DSCAML1: variants seen among roughly 807,000 people sequenced by gnomAD.
DSCAML1 encodes the protein DS cell adhesion molecule like 1.
Under a neutral mutation model 200.5 loss-of-function variants are expected in DSCAML1, and 38 were observed. The ratio of observed to expected loss-of-function variants is 0.19; its 90% CI spans 0.15 to 0.25. The LOEUF (loss-of-function observed/expected upper bound fraction) is 0.25. DSCAML1 is among the 10% of genes least tolerant of loss of function. DSCAML1 has a pLI of 1.00. For synonymous variants in DSCAML1, 1,215 were observed against 1,165.0 expected (o/e 1.04, Z -0.87); for missense variants, 2,223 against 2,858.8 (o/e 0.78, Z 5.07).
intron 3 of DSCAML1, among the ~76,000 whole-genome samples, chr11:117,667,763 C>T (rs2053008957): frequency 6.6e-6 from 1 of 152,200 alleles, no homozygotes; most frequent in African/African-American, 2.4e-5. Flanking sequence ...TGGTTGGAGG[C>T]TTGGCAGCAT....
At chr11:117,606,022 CT>C (rs1203446740) in intron 3 of DSCAML1, among the ~76,000 whole-genome samples, 1 of 152,128 alleles carries the variant, frequency 6.6e-6, no homozygotes, top group African/African-American at 2.4e-5. Flanking sequence ...TACTCTCAGG[CT>C]TCCATTCTGT....
chr11:117,428,044 T>G lies in DSCAML1; in HGVS notation c.*284A>C. 1 of 281,374 alleles carries G rather than the reference T, an allele frequency of 3.6e-6. No homozygotes were observed. Among genetic ancestry groups the G allele is most frequent in the Non-Finnish European group, 6.5e-6 (1 of 152,844 alleles). The allele number at this position is 281,374 out of a possible 1,614,324, so 17.4% of individuals were successfully genotyped here. ...GATATATAGCTCGTGGACGCGTTCCTGTCTGTCTATATATGTATATATATC... is the reference window on the plus strand; with the variant it reads ...GATATATAGCTCGTGGACGCGTTCCGGTCTGTCTATATATGTATATATATC... On this transcript the variant is annotated 3_prime_UTR_variant, in exon 33 of 33. Coordinates refer to ENST00000651296, the MANE Select transcript of DSCAML1 (RefSeq NM_020693.4).
chr11:117,524,392 G>A (rs1192457299), intron 5 of DSCAML1, among the ~76,000 whole-genome samples: 1 of 152,216 alleles, frequency 6.6e-6, no homozygotes, highest in African/African-American at 2.4e-5. Context: ...TGGATTGACA[G>A]CTGCCTTGCT....
chr11:117,436,931 C>T (rs1409430862), intron 26 of DSCAML1, among the ~76,000 whole-genome samples, 191 bp downstream of exon 26: 6 of 152,166 alleles, frequency 3.9e-5, no homozygotes, highest in Non-Finnish European at 8.8e-5. Flanking sequence ...TGCATCTGCC[C>T]GCTTACCTGG....
At chr11:117,766,770 G>T (rs977743317) in intron 3 of DSCAML1, among the ~76,000 whole-genome samples, 1 of 152,166 alleles carries the variant, frequency 6.6e-6, no homozygotes, top group African/African-American at 2.4e-5. Flanking sequence ...TGCACACGCC[G>T]CCAGAGGCAC....
Position 117,718,238 on chromosome 11 carries a change from C to G in DSCAML1, c.511+58553G>C, listed in dbSNP as rs1229641394. On this transcript the variant is annotated intron_variant, in intron 3 of 32. Coordinates refer to ENST00000651296, the MANE Select transcript of DSCAML1 (RefSeq NM_020693.4). ...ACGCACCCCGCCATCCCCCACCCCC[C>G]TTCCCGAGGCTGACACAGCCTGAGG... Among the ~76,000 whole-genome samples the G allele has an allele frequency of 3.3e-5, 5 of 152,348 alleles. No individual in the cohort carries two copies. The East Asian group carries it at 9.7e-4, about 29-fold the overall frequency.
intron 11 of DSCAML1, among the ~76,000 whole-genome samples, chr11:117,488,988 CT>C (rs1358057382): frequency 6.6e-6 from 1 of 152,262 alleles, no homozygotes; most frequent in East Asian, 1.9e-4. Context: ...ATGCCTCTGC[CT>C]TTTGGCCTGT....
chr11:117,592,476 C>G (rs964487326), intron 3 of DSCAML1, among the ~76,000 whole-genome samples: 1 of 152,050 alleles, frequency 6.6e-6, no homozygotes, highest in Non-Finnish European at 1.5e-5. Flanking sequence ...TGTTTCTTTT[C>G]TTTCTTTGGT....
chr11:117,442,123 G>A (rs937319003), intron 21 of DSCAML1, among the ~76,000 whole-genome samples: 7 of 124,384 alleles, frequency 5.6e-5, no homozygotes, highest in Non-Finnish European at 9.7e-5. Flanking sequence ...ATATGTGAGT[G>A]TGCACGTGTA....
chr11:117,575,991 G>A (rs2050927670), intron 3 of DSCAML1, among the ~76,000 whole-genome samples: 1 of 152,180 alleles, frequency 6.6e-6, no homozygotes, highest in Non-Finnish European at 1.5e-5. Context: ...CTGGATGCTT[G>A]TCTGGGCTCT....
chr11:117,735,115 G>C (rs1309967942), intron 3 of DSCAML1, among the ~76,000 whole-genome samples: 1 of 152,186 alleles, frequency 6.6e-6, no homozygotes, highest in Non-Finnish European at 1.5e-5. Context: ...AGGGTGGAAA[G>C]GGCAGATGGA....
chr11:117,744,630 A>C (rs551733557), intron 3 of DSCAML1, among the ~76,000 whole-genome samples: 41 of 152,292 alleles, frequency 2.7e-4, no homozygotes, highest in African/African-American at 9.1e-4. Flanking sequence ...AGCCCCAGCC[A>C]CTGGCCACCC....
intron 1 of DSCAML1, among the ~76,000 whole-genome samples, chr11:117,791,000 A>T (rs956230521): frequency 2.6e-5 from 4 of 152,244 alleles, no homozygotes; most frequent in African/African-American, 9.6e-5. Flanking sequence ...TGCAAGCATC[A>T]TGTAGAGACA....
At chr11:117,492,331 G>A (rs749260107) in intron 11 of DSCAML1, among the ~76,000 whole-genome samples, 56 of 152,258 alleles carry the variant, frequency 3.7e-4, no homozygotes, top group African/African-American at 1.2e-3. Context: ...AAATCTCTCC[G>A]GGACTCTCAT....
intron 3 of DSCAML1, among the ~76,000 whole-genome samples, chr11:117,740,803 A>C (rs2054407728): frequency 6.6e-6 from 1 of 152,256 alleles, no homozygotes; most frequent in Non-Finnish European, 1.5e-5. Context: ...AACTATGGCC[A>C]CAGATTTGTT....
rs1162944563 is a variant in DSCAML1 at position 117,516,280 on chromosome 11, A to G, written c.1783+187T>C. 6.6e-6 allele frequency among the ~76,000 whole-genome samples: 1 copy of G among 152,206 alleles called. No individual in the cohort carries two copies. Among genetic ancestry groups the G allele is most frequent in the Non-Finnish European group, 1.5e-5 (1 of 68,042 alleles). On this transcript the variant is annotated intron_variant, in intron 8 of 32. Coordinates refer to ENST00000651296, the MANE Select transcript of DSCAML1 (RefSeq NM_020693.4). This position sits in a 1 kb window ranked among gnomAD's most constrained non-coding sequence, Gnocchi z 5.7. ...GAGGACCCCGGATGTAGAGGAGCTC[A>G]TGGCCTGCGTCCACCCACAGTCTTC...
At chr11:117,547,030 G>A (rs1038884492) in intron 3 of DSCAML1, among the ~76,000 whole-genome samples, 15 of 152,178 alleles carry the variant, frequency 9.9e-5, no homozygotes, top group African/African-American at 3.6e-4. Context: ...TTTGCTGAGA[G>A]AGGAAGATGA....
At chr11:117,753,536 G>A (rs974432742) in intron 3 of DSCAML1, among the ~76,000 whole-genome samples, 3 of 152,226 alleles carry the variant, frequency 2.0e-5, no homozygotes, top group African/African-American at 7.2e-5. Flanking sequence ...ACGTATTAGT[G>A]TCTGAGCAGG....
chr11:117,520,332 A>AT (rs2049860773), intron 6 of DSCAML1, among the ~76,000 whole-genome samples: 1 of 152,190 alleles, frequency 6.6e-6, no homozygotes, highest in South Asian at 2.1e-4. Context: ...AGGAGGAGAT[A>AT]GAGAAACAAA....
Sources: gnomAD v4.1 joint callset for allele counts (sites outside exome capture counted in the v4.1 genomes callset) on GRCh38, gnomAD v4.1.1 for gene constraint, Gnocchi (gnomAD v3.1) non-coding constraint, MANE v1.5 for transcripts, NCBI Gene and HGNC (gene_info 2026-07-23, HGNC 2026-07-21) for gene names.